The following KCTD1 variants were observed in gnomAD, a reference collection of about 807,000 sequenced individuals.
KCTD1 encodes potassium channel tetramerization domain containing 1.
Under a neutral mutation model 66.0 loss-of-function variants are expected in KCTD1, and 24 were observed. That is an observed-to-expected ratio of 0.36 (90% CI 0.26 to 0.51). The LOEUF (loss-of-function observed/expected upper bound fraction) is 0.51. KCTD1 is among the 20% of genes least tolerant of loss of function. KCTD1 has a pLI of 0.95. For missense variants in KCTD1, 943 were observed against 1,205.2 expected (o/e 0.78, Z 3.22); for synonymous variants, 511 against 517.2 (o/e 0.99, Z 0.16).
At chr18:26,615,599 T>G (rs1293710280) in intron 1 of KCTD1, among the ~76,000 whole-genome samples, 1 of 152,326 alleles carries the variant, frequency 6.6e-6, no homozygotes, top group Non-Finnish European at 1.5e-5. Flanking sequence ...CTCAGTATCC[T>G]GTCCCCTTAC....
At chr18:26,649,411 G>C (rs865955091) in intron 1 of KCTD1, among the ~76,000 whole-genome samples, 3 of 152,252 alleles carry the variant, frequency 2.0e-5, no homozygotes, top group South Asian at 2.1e-4. Context: ...CTGCCCCACA[G>C]CCCAGGAAGA....
At chr18:26,641,632 C>A (rs147875179), upstream of KCTD1, among the ~76,000 whole-genome samples, 1 of 152,070 alleles carries the variant, frequency 6.6e-6, no homozygotes, top group African/African-American at 2.4e-5. Flanking sequence ...TGGTGCAGTC[C>A]GTCTGGCATG....
At chr18:26,645,080 G>C (rs188177405), upstream of KCTD1, among the ~76,000 whole-genome samples, 309 of 152,292 alleles carry the variant, frequency 2.0e-3, 3 homozygotes, top group Non-Finnish European at 2.2e-3. Flanking sequence ...AAATTGTACT[G>C]ACAGAATAAA....
intron 1 of KCTD1, among the ~76,000 whole-genome samples, chr18:26,569,569 G>A (rs1986055614): frequency 6.6e-6 from 1 of 152,110 alleles, no homozygotes; most frequent in African/African-American, 2.4e-5. Flanking sequence ...ACACAAATCA[G>A]GCAGGTGGGG....
intron 1 of KCTD1, among the ~76,000 whole-genome samples, chr18:26,555,420 C>T (rs371960180): frequency 7.9e-5 from 12 of 152,152 alleles, no homozygotes; most frequent in Non-Finnish European, 1.2e-4. Context: ...AGTGAAACTC[C>T]GTCTCAAAAA....
chr18:26,490,299 A>G (rs1598892689), intron 2 of KCTD1, among the ~76,000 whole-genome samples: 1 of 152,244 alleles, frequency 6.6e-6, no homozygotes, highest in Non-Finnish European at 1.5e-5. Flanking sequence ...TTAAGTAAAC[A>G]GCAGGTGGAG....
intron 3 of KCTD1, among the ~76,000 whole-genome samples, chr18:26,461,754 T>C (rs1980442407): frequency 6.6e-6 from 1 of 152,214 alleles, no homozygotes; most frequent in Non-Finnish European, 1.5e-5. Flanking sequence ...ACTTATGCTA[T>C]TGCTTTTTAT....
chr18:26,508,631 T>C (rs773904803), intron 1 of KCTD1, among the ~76,000 whole-genome samples: 1 of 152,202 alleles, frequency 6.6e-6, no homozygotes, highest in Non-Finnish European at 1.5e-5. Context: ...TTTTAATTCA[T>C]AACATTCAGT....
At chr18:26,471,585 G>C (rs1013212091) in intron 3 of KCTD1, among the ~76,000 whole-genome samples, 3 of 151,928 alleles carry the variant, frequency 2.0e-5, no homozygotes, top group African/African-American at 7.3e-5. Context: ...GGAGAGAGAG[G>C]GGTGGGCATA....
upstream of KCTD1, among the ~76,000 whole-genome samples, chr18:26,632,202 T>C (rs978943519): frequency 6.6e-6 from 1 of 152,028 alleles, no homozygotes; most frequent in South Asian, 2.1e-4. Flanking sequence ...CTGGCCAACA[T>C]GGTGAAACCC....
chr18:26,501,403 T>C (rs986097945), intron 1 of KCTD1, among the ~76,000 whole-genome samples, 153 bp from the exon 2 acceptor site: 1 of 152,206 alleles, frequency 6.6e-6, no homozygotes, highest in Non-Finnish European at 1.5e-5. Flanking sequence ...TTATAATGAA[T>C]ATCAGAAAAA....
chr18:26,523,369 G>A (rs376434996), intron 1 of KCTD1, among the ~76,000 whole-genome samples: 14 of 152,278 alleles, frequency 9.2e-5, no homozygotes, highest in East Asian at 3.9e-4. Context: ...TGAAATTGTC[G>A]TGGGATTTGG....
chr18:26,600,211 C>A, intron 1 of KCTD1: 3 of 1,600,528 alleles, frequency 1.9e-6, no homozygotes, highest in Middle Eastern at 2.3e-4. Context: ...GAGCTCCCAG[C>A]CCAAGTCGGC....
chr18:26,647,319 C>T (rs1182860439), intron 1 of KCTD1, among the ~76,000 whole-genome samples: 2 of 115,144 alleles, frequency 1.7e-5, no homozygotes, highest in Non-Finnish European at 3.6e-5. Context: ...CCAGCCTGGC[C>T]AAGATAGTGA....
chr18:26,462,090 T>G (rs1184476316), intron 3 of KCTD1, among the ~76,000 whole-genome samples: 1 of 152,214 alleles, frequency 6.6e-6, no homozygotes. Context: ...CTCACCATCT[T>G]TTCTTCCTTC....
chr18:26,508,480 T>C (rs1983162881), intron 1 of KCTD1, among the ~76,000 whole-genome samples: 1 of 152,230 alleles, frequency 6.6e-6, no homozygotes, highest in South Asian at 2.1e-4. Flanking sequence ...CTTTCTTTGT[T>C]AAGAATGTAT....
At chr18:26,549,000 TG>T, upstream of KCTD1, 6 of 984,930 alleles carry the variant, frequency 6.1e-6, no homozygotes, top group Non-Finnish European at 7.2e-6. Flanking sequence ...CCCCTTCCAC[TG>T]CCCCCTCATT....
chr18:26,464,294 TTGGCCCA>T, intron 3 of KCTD1, among the ~76,000 whole-genome samples: 1 of 152,250 alleles, frequency 6.6e-6, no homozygotes, highest in Non-Finnish European at 1.5e-5. Context: ...CGAGAATTCC[TTGGCCCA>T]TGGCCAGCAA....
intron 1 of KCTD1, among the ~76,000 whole-genome samples, chr18:26,597,936 G>C (rs965160787): frequency 9.2e-5 from 14 of 152,178 alleles, no homozygotes; most frequent in African/African-American, 3.4e-4. Context: ...TTACAGGCGT[G>C]AGCCACCGCA....
Sources: gnomAD v4.1 joint callset for allele counts (sites outside exome capture counted in the v4.1 genomes callset) on GRCh38, gnomAD v4.1.1 for gene constraint, MANE v1.5 for transcripts, NCBI Gene and HGNC (gene_info 2026-07-23, HGNC 2026-07-21) for gene names.